SEMA6D: variants seen among roughly 807,000 people sequenced by gnomAD.
SEMA6D encodes the protein semaphorin-6D.
SEMA6D carries 35 observed loss-of-function variants against 106.6 expected under a neutral mutation model. The observed-to-expected ratio is 0.33, with a 90% confidence interval of 0.25 to 0.44. The LOEUF (loss-of-function observed/expected upper bound fraction) is 0.44. SEMA6D is among the 20% of genes least tolerant of loss of function. The probability of loss-of-function intolerance (pLI) is 1.00; values close to 1 mark genes in which losing one functional copy is unlikely to be tolerated. For missense variants in SEMA6D, 1,185 were observed against 1,345.9 expected, an observed-to-expected ratio of 0.88 and a Z score of 1.87; for synonymous variants, 499 against 487.7, an observed-to-expected ratio of 1.02 and a Z score of -0.31.
chr15:47,677,992 G>A (rs2078278524), intron 4 of SEMA6D, among the ~76,000 whole-genome samples: 1 of 152,022 alleles, frequency 6.6e-6, no homozygotes, highest in South Asian at 2.1e-4. Context: ...TGTGAAAATG[G>A]GAAGTATCCT....
intron 1 of SEMA6D, among the ~76,000 whole-genome samples, chr15:47,349,490 A>G (rs533698374): frequency 1.8e-4 from 28 of 152,304 alleles, no homozygotes; most frequent in African/African-American, 6.7e-4. Flanking sequence ...ATAAAGACAG[A>G]TAAATATTAC....
intron 3 of SEMA6D, among the ~76,000 whole-genome samples, chr15:47,544,682 A>G (rs1256933226): frequency 1.3e-5 from 2 of 151,922 alleles, no homozygotes; most frequent in Non-Finnish European, 2.9e-5. Context: ...AATATGAAGG[A>G]CTTTGGAAAT....
intron 3 of SEMA6D, among the ~76,000 whole-genome samples, chr15:47,573,876 C>G (rs2142946194): frequency 6.6e-6 from 1 of 152,310 alleles, no homozygotes; most frequent in Non-Finnish European, 1.5e-5. Flanking sequence ...TTATCCTACT[C>G]CATACATCTG....
intron 2 of SEMA6D, among the ~76,000 whole-genome samples, chr15:47,446,697 C>T (rs2042039011): frequency 6.6e-6 from 1 of 152,046 alleles, no homozygotes; most frequent in Non-Finnish European, 1.5e-5. Flanking sequence ...TGAAATCTGT[C>T]CTGCATCCTT....
At chr15:47,215,502 T>G (rs1446355168) in intron 1 of SEMA6D, among the ~76,000 whole-genome samples, 1 of 152,194 alleles carries the variant, frequency 6.6e-6, no homozygotes, top group African/African-American at 2.4e-5. Context: ...GTTTTATATA[T>G]GAATTTAGCT....
At chr15:47,435,721 A>C (rs1011845306) in intron 2 of SEMA6D, among the ~76,000 whole-genome samples, 1 of 152,086 alleles carries the variant, frequency 6.6e-6, no homozygotes, top group Admixed American at 6.6e-5. Context: ...ACATTTTTTA[A>C]AAAACTGTTT....
intron 4 of SEMA6D, among the ~76,000 whole-genome samples, chr15:47,642,247 A>C (rs1201181564): frequency 2.6e-5 from 4 of 152,220 alleles, no homozygotes; most frequent in African/African-American, 9.6e-5. Context: ...TATGGACAAT[A>C]ACAGAAATAG....
At chr15:47,688,521 G>T (rs1467255384) in intron 4 of SEMA6D, among the ~76,000 whole-genome samples, 1 of 152,178 alleles carries the variant, frequency 6.6e-6, no homozygotes, top group Non-Finnish European at 1.5e-5. Context: ...TTTAAGCATA[G>T]GCTGGGGAAG....
chr15:47,764,773 G>T lies in SEMA6D; in HGVS notation c.1233G>T (p.Trp411Cys). The change falls in exon 12 of 19, where the codon TGG becomes TGT. Residue 411 changes from tryptophan (W) to cysteine (C), a missense_variant. Trp to Cys is a radical substitution (Grantham distance 215). Transcript: ENST00000536845. Reference sequence around the variant, plus strand: ...TTCCACCCATTGCCGATGAGCCCTGGTTCACAAAGACTCGGGTCAGGTGAG... The same window carrying T: ...TTCCACCCATTGCCGATGAGCCCTGTTTCACAAAGACTCGGGTCAGGTGAG... The part of the protein sequence containing the change: ...SAVPPIADEP[W>C]FTKTRVRYRL... 1 of 1,613,920 alleles carries T rather than the reference G, an allele frequency of 6.2e-7. No homozygotes were observed. The highest frequency in any genetic ancestry group is 8.5e-7 in the Non-Finnish European group (1 of 1,179,886).
At chr15:47,592,732 AT>A (rs2076462227) in intron 3 of SEMA6D, among the ~76,000 whole-genome samples, 1 of 152,188 alleles carries the variant, frequency 6.6e-6, no homozygotes, top group African/African-American at 2.4e-5. Context: ...TAGAATTTTT[AT>A]TTGCATTGTA....
chr15:47,287,717 G>A (rs1274895032), intron 1 of SEMA6D, among the ~76,000 whole-genome samples: 2 of 152,080 alleles, frequency 1.3e-5, no homozygotes, highest in Non-Finnish European at 2.9e-5. Flanking sequence ...AAAATCAGGG[G>A]CACTTTGACA....
At chr15:47,257,987 A>G (rs2033894353) in intron 1 of SEMA6D, among the ~76,000 whole-genome samples, 2 of 152,170 alleles carry the variant, frequency 1.3e-5, no homozygotes. Flanking sequence ...TAATCATTTT[A>G]TCATTATACT....
intron 1 of SEMA6D, among the ~76,000 whole-genome samples, chr15:47,211,548 T>G (rs1406355926): frequency 6.6e-6 from 1 of 152,196 alleles, no homozygotes; most frequent in Non-Finnish European, 1.5e-5. Context: ...TTGAAATGTC[T>G]GTAGCCTGAG....
intron 4 of SEMA6D, among the ~76,000 whole-genome samples, chr15:47,670,224 G>T (rs1200374487): frequency 1.3e-5 from 2 of 152,128 alleles, no homozygotes; most frequent in Non-Finnish European, 2.9e-5. Flanking sequence ...AATATTCTTT[G>T]TGTTCCATTG....
At position 47,773,501 on chromosome 15, in the gene SEMA6D, G is replaced by A. The variant is rs184225609; in HGVS notation, c.*1716G>A. On this transcript the variant is annotated 3_prime_UTR_variant, in exon 19 of 19. Coordinates refer to ENST00000536845, the MANE Select transcript of SEMA6D (RefSeq NM_001358351.3). ...ACCAAATCTAGAAAGTACCAAGGCAGAGGTATGCTCCTGCTGTAATCAGGC... is the reference window on the plus strand; with the variant it reads ...ACCAAATCTAGAAAGTACCAAGGCAAAGGTATGCTCCTGCTGTAATCAGGC... The A allele has an allele frequency of 6.6e-6, 1 of 152,572 alleles. No homozygotes were observed. The highest frequency in any genetic ancestry group is 1.9e-4 in the East Asian group (1 of 5,188). 9.5% of individuals were successfully genotyped at this position (152,572 alleles called of 1,614,324 possible). A position where few individuals can be genotyped will look rare whatever the true frequency, so the allele number is the denominator to read the frequency against.
chr15:47,231,733 T>A (rs987951812), intron 1 of SEMA6D, among the ~76,000 whole-genome samples: 1 of 152,034 alleles, frequency 6.6e-6, no homozygotes, highest in Non-Finnish European at 1.5e-5. Context: ...GAAGAAATAT[T>A]TTCTAATTCT....
intron 1 of SEMA6D, among the ~76,000 whole-genome samples, chr15:47,332,005 T>G (rs1289375509): frequency 6.6e-6 from 1 of 152,172 alleles, no homozygotes; most frequent in Non-Finnish European, 1.5e-5. Flanking sequence ...TGTACAAGTT[T>G]GGCACAAAAC....
At chr15:47,475,184 A>G (rs1013264219) in intron 3 of SEMA6D, among the ~76,000 whole-genome samples, 7 of 152,174 alleles carry the variant, frequency 4.6e-5, no homozygotes, top group African/African-American at 1.7e-4. Flanking sequence ...AAGCGCTCTC[A>G]TTTACCTAAA....
chr15:47,454,601 A>G (rs574707681), intron 2 of SEMA6D, among the ~76,000 whole-genome samples: 62 of 71,456 alleles, frequency 8.7e-4, no homozygotes, highest in South Asian at 7.5e-4. Flanking sequence ...GCACATGTGC[A>G]CACACACACA....
Sources: allele counts gnomAD v4.1 joint callset (sites outside exome capture counted in the v4.1 genomes callset), GRCh38; gene constraint gnomAD v4.1.1; transcripts MANE v1.5; gene names NCBI Gene and HGNC (gene_info 2026-07-23, HGNC 2026-07-21).